SAMD4A: variants seen among roughly 807,000 people sequenced by gnomAD.
SAMD4A encodes sterile alpha motif domain containing 4A.
SAMD4A carries 33 observed loss-of-function variants against 81.3 expected under a neutral mutation model. The observed-to-expected ratio is 0.41, with a 90% CI of 0.31 to 0.54. SAMD4A has a LOEUF of 0.54. SAMD4A is among the 20% of genes least tolerant of loss of function. The probability of loss-of-function intolerance (pLI) is 0.37; values close to 1 mark genes in which losing one functional copy is unlikely to be tolerated. For missense variants in SAMD4A, 854 were observed against 951.1 expected (o/e 0.90, Z 1.34); for synonymous variants, 389 against 382.1 (o/e 1.02, Z -0.21).
intron 3 of SAMD4A, among the ~76,000 whole-genome samples, chr14:54,724,007 T>TGGCAGGAAGGAAGGAAGGAAGGAA (rs2037334024): frequency 8.1e-6 from 1 of 124,176 alleles, no homozygotes. Context: ...GATGGATGGA[T>TGGCAGGAAGGAAGGAAGGAAGGAA]GGAAGGAAGG....
At chr14:54,669,020 T>G (rs2035815069) in intron 2 of SAMD4A, among the ~76,000 whole-genome samples, 1 of 152,178 alleles carries the variant, frequency 6.6e-6, no homozygotes, top group Admixed American at 6.5e-5. Flanking sequence ...GCAGAGGACA[T>G]TTAGGTTAGG....
chr14:54,575,496 T>C (rs997454841), intron 2 of SAMD4A, among the ~76,000 whole-genome samples: 7 of 152,294 alleles, frequency 4.6e-5, no homozygotes, highest in Middle Eastern at 6.8e-3. Flanking sequence ...AAATCTTTCT[T>C]AGCTCTGGCG....
At chr14:54,695,408 G>A (rs1594823358) in intron 2 of SAMD4A, among the ~76,000 whole-genome samples, 1 of 152,328 alleles carries the variant, frequency 6.6e-6, no homozygotes, top group East Asian at 1.9e-4. Flanking sequence ...TCCCCATACA[G>A]GTCTCTCCCT....
At chr14:54,762,834 C>G (rs548651402) in intron 7 of SAMD4A, among the ~76,000 whole-genome samples, 21 of 151,556 alleles carry the variant, frequency 1.4e-4, no homozygotes, top group Middle Eastern at 3.4e-3. Flanking sequence ...ACTTCATCAT[C>G]ATACATAAGC....
chr14:54,629,658 TA>T (rs2034846254), intron 2 of SAMD4A, among the ~76,000 whole-genome samples: 1 of 152,208 alleles, frequency 6.6e-6, no homozygotes, highest in Non-Finnish European at 1.5e-5. Flanking sequence ...GTATTTGGCT[TA>T]AAAATTTTTT....
At chr14:54,652,834 G>A (rs1261851198) in intron 2 of SAMD4A, 1 of 152,096 alleles carries the variant, frequency 6.6e-6, no homozygotes, top group South Asian at 2.1e-4. Flanking sequence ...ACGAGACCTC[G>A]CATTTGGTAA....
intron 2 of SAMD4A, among the ~76,000 whole-genome samples, chr14:54,656,697 G>A (rs1237023410): frequency 2.6e-5 from 4 of 152,056 alleles, no homozygotes; most frequent in African/African-American, 7.2e-5. Flanking sequence ...GCGCGATCTC[G>A]GCTCACTGCA....
chr14:54,699,414 A>G (rs2036656785), intron 2 of SAMD4A, among the ~76,000 whole-genome samples: 1 of 152,158 alleles, frequency 6.6e-6, no homozygotes, highest in African/African-American at 2.4e-5. Context: ...CCCTCCTGCC[A>G]GCCTTCCCCA....
At chr14:54,620,761 T>C (rs2034596316) in intron 2 of SAMD4A, among the ~76,000 whole-genome samples, 1 of 152,158 alleles carries the variant, frequency 6.6e-6, no homozygotes, top group Non-Finnish European at 1.5e-5. Context: ...GCTCCATTCA[T>C]TTATTTATTT....
At chr14:54,694,614 T>G (rs2036532867) in intron 2 of SAMD4A, 1 of 985,464 alleles carries the variant, frequency 1.0e-6, no homozygotes, top group African/African-American at 1.7e-5. Context: ...TGGAGTTGTC[T>G]GCATACTCAT....
chr14:54,624,811 A>C (rs1251633770), intron 2 of SAMD4A, among the ~76,000 whole-genome samples: 3 of 152,196 alleles, frequency 2.0e-5, no homozygotes, highest in African/African-American at 7.2e-5. Context: ...AAGTGGCCAT[A>C]AATAACTAAA....
intron 2 of SAMD4A, among the ~76,000 whole-genome samples, chr14:54,606,183 C>CTGTGGGTG (rs1555335558): frequency 6.8e-6 from 1 of 146,570 alleles, no homozygotes; most frequent in African/African-American, 2.6e-5. Context: ...TACTTCTGGG[C>CTGTGGGTG]TGTGTGTGTG....
At chr14:54,739,460 T>C (rs894938513) in intron 4 of SAMD4A, among the ~76,000 whole-genome samples, 3 of 151,748 alleles carry the variant, frequency 2.0e-5, no homozygotes, top group Non-Finnish European at 2.9e-5. Flanking sequence ...ACTTCCCTTC[T>C]TCCAAGAACT....
At chr14:54,771,909 C>A (rs1159303546) in intron 9 of SAMD4A, among the ~76,000 whole-genome samples, 1 of 152,198 alleles carries the variant, frequency 6.6e-6, no homozygotes, top group Non-Finnish European at 1.5e-5. Context: ...ACCTTGACCT[C>A]TCCAGGGTGT....
chr14:54,667,470 T>C (rs927216096), intron 2 of SAMD4A, among the ~76,000 whole-genome samples: 7 of 152,190 alleles, frequency 4.6e-5, no homozygotes, highest in Non-Finnish European at 1.0e-4. Context: ...CTCTGTCCTG[T>C]GTCTGTGCCT....
intron 2 of SAMD4A, among the ~76,000 whole-genome samples, chr14:54,650,642 CAAAGTCACTGCT>C (rs1320969912): frequency 6.6e-6 from 1 of 152,176 alleles, no homozygotes; most frequent in Non-Finnish European, 1.5e-5. Flanking sequence ...CAAAATATGC[CAAAGTCACTGCT>C]AGACCAGTTC....
intron 8 of SAMD4A, among the ~76,000 whole-genome samples, chr14:54,766,810 G>C (rs1326605558): frequency 1.3e-5 from 2 of 152,186 alleles, no homozygotes; most frequent in Non-Finnish European, 2.9e-5. Context: ...GAAATCGTGA[G>C]TCCTCCAGCT....
At chr14:54,661,533 T>A (rs1277765566) in intron 2 of SAMD4A, among the ~76,000 whole-genome samples, 1 of 152,196 alleles carries the variant, frequency 6.6e-6, no homozygotes, top group Non-Finnish European at 1.5e-5. Flanking sequence ...ATAGTTCCCG[T>A]CCTAGTTAAT....
At chr14:54,716,552 TTG>T (rs1312244292) in intron 3 of SAMD4A, among the ~76,000 whole-genome samples, 1 of 152,188 alleles carries the variant, frequency 6.6e-6, no homozygotes, top group African/African-American at 2.4e-5. Flanking sequence ...TATTTTCCCA[TTG>T]AGTAAAACTA....
Sources: gnomAD v4.1 joint callset for allele counts (sites outside exome capture counted in the v4.1 genomes callset) on GRCh38, gnomAD v4.1.1 for gene constraint, MANE v1.5 for transcripts, NCBI Gene and HGNC (gene_info 2026-07-23, HGNC 2026-07-21) for gene names.